The following RUBCN variants were observed in gnomAD, a reference collection of about 807,000 sequenced individuals.
The protein encoded by RUBCN is rubicon autophagy regulator, also known as run domain Beclin-1-interacting and cysteine-rich domain-containing protein.
Under a neutral mutation model 113.2 loss-of-function variants are expected in RUBCN, and 74 were observed. That is an observed-to-expected ratio of 0.65 (90% CI 0.54 to 0.79). The LOEUF is 0.79. Among genes scored for constraint, RUBCN ranks in the 30% least tolerant of loss-of-function variants. RUBCN has a pLI of 0.00. For missense variants in RUBCN, 1,109 were observed against 1,251.7 expected (o/e 0.89, Z 1.72); for synonymous variants, 480 against 490.0 (o/e 0.98, Z 0.27).
At chr3:197,682,758 CGGGA>C in intron 13 of RUBCN, 143 bp from the exon 14 acceptor site, 1 of 1,079,008 alleles carries the variant, frequency 9.3e-7, no homozygotes, top group East Asian at 2.6e-5. Flanking sequence ...AACAGAAATG[CGGGA>C]CCCTTTTGGC....
At chr3:197,735,258 A>G (rs949886748) in intron 1 of RUBCN, among the ~76,000 whole-genome samples, 9 of 152,150 alleles carry the variant, frequency 5.9e-5, no homozygotes, top group African/African-American at 2.2e-4. Context: ...AAGTAGCCAG[A>G]TGTGGTAGCT....
In RUBCN at chr3:197,675,314, C is replaced by T. The variant is rs1720247934; in HGVS notation, c.2740+108G>A. Reference sequence around the variant, plus strand: ...AAGGCGTGGTGTCCCCTGGGGAGGCCCCGCGAGGTGCTGAGTGGCACCGAA... The same window carrying T: ...AAGGCGTGGTGTCCCCTGGGGAGGCTCCGCGAGGTGCTGAGTGGCACCGAA... On this transcript the variant is annotated intron_variant, in intron 19 of 19. Coordinates refer to ENST00000296343, the MANE Select transcript of RUBCN (RefSeq NM_014687.4). The surrounding 1 kb of genome is among the most constrained non-coding windows in gnomAD (Gnocchi z 4.4). 3 of 1,509,384 alleles carry T rather than the reference C, an allele frequency of 2.0e-6. No homozygotes were observed. The Admixed American group carries it at 5.0e-5, about 25-fold the overall frequency. 93.5% of individuals were successfully genotyped at this position (1,509,384 alleles called of 1,614,324 possible).
At chr3:197,749,406 C>A in exon 1 of RUBCN, 1 of 1,211,516 alleles carries the variant, frequency 8.3e-7, no homozygotes, top group Non-Finnish European at 1.1e-6. Flanking sequence ...GGAACCGTCA[C>A]TGCAGCGTTT....
chr3:197,736,962 T>C, upstream of RUBCN: 1 of 1,281,182 alleles, frequency 7.8e-7, no homozygotes, highest in Non-Finnish European at 9.9e-7. Context: ...GCTAGGCCGC[T>C]CCCGCAGGAC....
At chr3:197,733,942 A>G (rs1178836474) in intron 1 of RUBCN, among the ~76,000 whole-genome samples, 2 of 152,166 alleles carry the variant, frequency 1.3e-5, no homozygotes, top group African/African-American at 4.8e-5. Context: ...AGTGAGAGGC[A>G]GCATAGGGTG....
intron 2 of RUBCN, among the ~76,000 whole-genome samples, chr3:197,705,955 G>C (rs1056719032): frequency 2.0e-5 from 3 of 152,078 alleles, no homozygotes; most frequent in Non-Finnish European, 4.4e-5. Flanking sequence ...CTCAAACTCC[G>C]AGCCTCAAGT....
intron 1 of RUBCN, among the ~76,000 whole-genome samples, chr3:197,725,079 G>A (rs1726586961): frequency 6.6e-6 from 1 of 152,098 alleles, no homozygotes. Flanking sequence ...ACCAGAAGCT[G>A]GAAAGTACCA....
intron 1 of RUBCN, among the ~76,000 whole-genome samples, chr3:197,746,996 T>G (rs1285189892): frequency 6.6e-6 from 1 of 152,034 alleles, no homozygotes. Context: ...ATTAAATGAA[T>G]AGCTACCTCT....
intron 1 of RUBCN, among the ~76,000 whole-genome samples, chr3:197,719,244 A>G (rs1725870243): frequency 6.6e-6 from 1 of 152,178 alleles, no homozygotes; most frequent in African/African-American, 2.4e-5. Flanking sequence ...TGGGAGGCTG[A>G]GGCGGGTGGA....
At chr3:197,713,580 C>T (rs964382077) in intron 2 of RUBCN, among the ~76,000 whole-genome samples, 2 of 152,042 alleles carry the variant, frequency 1.3e-5, no homozygotes, top group Admixed American at 6.6e-5. Flanking sequence ...ATGTTGTGCT[C>T]GGGCCTGAAA....
chr3:197,742,349 T>C lies in RUBCN; in HGVS notation c.-116+6920A>G, dbSNP rs1182393163. ...CTCTACTAAAAATACAAAAATCAGCTGGGCTTGGTGGCGGACGCCTGTAAT... is the reference window on the plus strand; with the variant it reads ...CTCTACTAAAAATACAAAAATCAGCCGGGCTTGGTGGCGGACGCCTGTAAT... On this transcript the variant is annotated intron_variant, in intron 1 of 20. Transcript: ENST00000273582. Among the ~76,000 whole-genome samples, 3 of 151,930 alleles carry C rather than the reference T, an allele frequency of 2.0e-5. No homozygotes were observed. The South Asian group carries it at 6.2e-4, about 32-fold the overall frequency.
intron 7 of RUBCN, among the ~76,000 whole-genome samples, chr3:197,700,131 C>T (rs1386137352): frequency 1.3e-5 from 2 of 152,216 alleles, no homozygotes; most frequent in Non-Finnish European, 2.9e-5. Flanking sequence ...GTCAGCCCCA[C>T]CGACTCAGTT....
At chr3:197,711,685 A>G (rs1235344319) in intron 2 of RUBCN, among the ~76,000 whole-genome samples, 1 of 149,100 alleles carries the variant, frequency 6.7e-6, no homozygotes, top group Non-Finnish European at 1.5e-5. Context: ...ATTTTTAATT[A>G]AAAAAAAAAA....
Position 197,700,894 on chromosome 3 carries a change from A to G in RUBCN, c.980T>C (p.Ile327Thr), listed in dbSNP as rs2108903477. 6.2e-7 allele frequency: 1 copy of G among 1,614,144 alleles called. No individual in the cohort carries two copies. The highest frequency in any genetic ancestry group is 8.5e-7 in the Non-Finnish European group (1 of 1,180,022). The stretch of plus-strand genomic sequence containing the variant: ...CCGGCCTCGGGGGTCCAAGTTGCCA[A>G]TGGCCAGGTACTCAGGCCCCTCACT... Reference protein sequence around the residue: ...DASEGPEYLAIGNLDPRGRTA... With the variant: ...DASEGPEYLATGNLDPRGRTA... Residue 327 changes from isoleucine (I) to threonine (T), a missense_variant, in exon 7 of 20, where the codon ATT becomes ACT. By Grantham distance (89) the Ile-to-Thr change is moderately conservative (BLOSUM62 -1). Around this residue, in one of 3 missense-constraint regions of RUBCN, gnomAD observed 736 missense variants for 779.6 expected, o/e 0.94. Coordinates refer to ENST00000296343, the MANE Select transcript of RUBCN (RefSeq NM_014687.4).
At chr3:197,678,683 A>G (rs1720785348) in intron 16 of RUBCN, among the ~76,000 whole-genome samples, 3 of 147,754 alleles carry the variant, frequency 2.0e-5, no homozygotes, top group Admixed American at 2.0e-4. Context: ...CGCTCTGACA[A>G]CTGGCTCCAG....
rs549904861 is a variant in RUBCN, at chr3:197,731,523, C to T, written c.65+5132G>A. Among the ~76,000 whole-genome samples, 207 of 152,378 alleles carry T rather than the reference C, an allele frequency of 1.4e-3. 1 individual carries two copies. Among genetic ancestry groups the T allele is most frequent in the Admixed American group, 3.5e-3 (54 of 15,310 alleles). On this transcript the variant is annotated intron_variant, in intron 1 of 19. Transcript: ENST00000296343. ...TGAGCTGTTGGGTACACCTCCCAGA[C>T]GGGGTGGTGGCTGGGCAGAGGGGCT...
At chr3:197,739,646 C>T (rs1428237753), upstream of RUBCN, among the ~76,000 whole-genome samples, 7 of 152,166 alleles carry the variant, frequency 4.6e-5, no homozygotes, top group East Asian at 5.8e-4. Context: ...TTGCAGTGAG[C>T]AGAGATCACG....
chr3:197,717,964 G>T lies in RUBCN; in HGVS notation c.219+13C>A. On this transcript the variant is annotated intron_variant, in intron 2 of 19. Transcript: ENST00000296343. ...GAGTCAGCCAATCTGGCAAAAAAAG[G>T]AGTTCTGCATACCTGGTCACGGATA... is the stretch of plus-strand genomic sequence containing the variant. 6.2e-7 allele frequency: 1 copy of T among 1,613,222 alleles called. No homozygotes were observed. Among genetic ancestry groups the T allele is most frequent in the Non-Finnish European group, 8.5e-7 (1 of 1,180,008 alleles).
intron 1 of RUBCN, among the ~76,000 whole-genome samples, chr3:197,746,478 C>G (rs1728751378): frequency 6.6e-6 from 1 of 152,110 alleles, no homozygotes. Flanking sequence ...CCATGTCCCT[C>G]TCAAAGCTCA....
Sources: allele counts gnomAD v4.1 joint callset (sites outside exome capture counted in the v4.1 genomes callset), GRCh38; gene constraint gnomAD v4.1.1; regional missense constraint gnomAD v4.1.1; non-coding constraint Gnocchi (gnomAD v3.1); transcripts MANE v1.5; gene names NCBI Gene and HGNC (gene_info 2026-07-23, HGNC 2026-07-21).